SYNE2: variants seen among roughly 807,000 people sequenced by gnomAD.
SYNE2 encodes the protein nesprin-2.
Under a neutral mutation model 856.3 loss-of-function variants are expected in SYNE2, and 431 were observed. The observed-to-expected ratio is 0.50, with a 90% CI of 0.47 to 0.55. The LOEUF is 0.55. SYNE2 is among the 20% of genes least tolerant of loss of function. The pLI, the probability that SYNE2 is intolerant of heterozygous loss-of-function variation, is 0.00. For synonymous variants in SYNE2, 2,923 were observed against 2,872.3 expected (o/e 1.02, Z -0.56); for missense variants, 8,129 against 8,023.2 (o/e 1.01, Z -0.50).
intron 66 of SYNE2, among the ~76,000 whole-genome samples, chr14:64,117,947 ATTAT>A (rs1024278574): frequency 7.9e-5 from 12 of 152,152 alleles, no homozygotes; most frequent in Non-Finnish European, 1.0e-4. Flanking sequence ...AAATGTATGA[ATTAT>A]TTATTTCTGG....
intron 23 of SYNE2, 80 bp from the exon 24 acceptor site, chr14:63,996,867 C>T (rs1463157021): frequency 1.5e-6 from 2 of 1,313,104 alleles, no homozygotes; most frequent in African/African-American, 2.9e-5. Flanking sequence ...AAACTACACA[C>T]ATCTGTTAGT....
At chr14:63,858,014 C>T (rs998577712) in intron 1 of SYNE2, among the ~76,000 whole-genome samples, 1 of 151,890 alleles carries the variant, frequency 6.6e-6, no homozygotes, top group Non-Finnish European at 1.5e-5. Context: ...ATTGATGGGG[C>T]GACATCTGGT....
At chr14:63,857,131 C>T (rs996787582) in intron 1 of SYNE2, among the ~76,000 whole-genome samples, 2 of 152,080 alleles carry the variant, frequency 1.3e-5, no homozygotes, top group African/African-American at 4.8e-5. Flanking sequence ...CCCTGTAGCT[C>T]CTTGCTATAC....
At chr14:63,786,699 G>T (rs1184540593) in intron 1 of SYNE2, among the ~76,000 whole-genome samples, 1 of 152,130 alleles carries the variant, frequency 6.6e-6, no homozygotes, top group Non-Finnish European at 1.5e-5. Context: ...TATATGCTAT[G>T]ATTATCTTCT....
At chr14:64,211,915 T>C (rs1302797873) in intron 103 of SYNE2, 46 bp from the exon 104 acceptor site, 3 of 1,613,476 alleles carry the variant, frequency 1.9e-6, no homozygotes, top group Non-Finnish European at 2.5e-6. Context: ...GTCTGAACTC[T>C]TGTTCCGTGG....
chr14:64,025,162 A>T lies in SYNE2; in HGVS notation c.5993A>T (p.Asn1998Ile). Reference sequence around the variant, plus strand: ...TTTGAATCTGTGGCCCAATTGAACAACTCTTTGAAGGAATATGGGTTTACT... The same window carrying T: ...TTTGAATCTGTGGCCCAATTGAACATCTCTTTGAAGGAATATGGGTTTACT... Reference protein sequence around the residue: ...EQFESVAQLNNSLKEYGFTEE... With the variant: ...EQFESVAQLNISLKEYGFTEE... The change falls in exon 41 of 116, where the codon AAC becomes ATC. Residue 1998 changes from asparagine (N) to isoleucine (I), a missense_variant. By Grantham distance (149) the Asn-to-Ile change is moderately radical. Around this residue, in one of 3 missense-constraint regions of SYNE2, gnomAD observed 2,422 missense variants for 2,357.4 expected, o/e 1.03. Coordinates refer to ENST00000555002, the MANE Select transcript of SYNE2 (RefSeq NM_182914.3). 1 of 1,614,082 alleles carries T rather than the reference A, an allele frequency of 6.2e-7. No homozygotes were observed.
chr14:64,017,123 G>A (rs1037863529), intron 33 of SYNE2, among the ~76,000 whole-genome samples: 4 of 151,698 alleles, frequency 2.6e-5, no homozygotes, highest in Admixed American at 2.0e-4. Flanking sequence ...TGAGGTCAGG[G>A]GTTTGAGACC....
chr14:64,177,664 G>A (rs1193886201), intron 96 of SYNE2, among the ~76,000 whole-genome samples, 181 bp downstream of exon 96: 1 of 152,124 alleles, frequency 6.6e-6, no homozygotes, highest in Admixed American at 6.5e-5. Flanking sequence ...TGCTTTTTAC[G>A]ATTGTTGTTT....
intron 1 of SYNE2, among the ~76,000 whole-genome samples, chr14:63,825,364 C>CA (rs1004801203): frequency 2.0e-5 from 3 of 151,252 alleles, no homozygotes; most frequent in Middle Eastern, 3.4e-3. Flanking sequence ...ATTGTATCTA[C>CA]AAAAAAACAC....
In SYNE2 at chr14:64,051,777, G is replaced by C. The variant is rs541888083; in HGVS notation, c.7864G>C (p.Val2622Leu). ...GATTCAAAAGAAGTATTCTCAGCAGGTAGTGGAATATGATGAATTTACAAC... is the reference window on the plus strand; with the variant it reads ...GATTCAAAAGAAGTATTCTCAGCAGCTAGTGGAATATGATGAATTTACAAC... ...QQIQKKYSQQ[V>L]VEYDEFTTLM... is the part of the protein sequence containing the mutation. Residue 2622 changes from valine to leucine, a missense_variant, in exon 48 of 116, where the codon GTA becomes CTA. Coordinates refer to ENST00000555002, the MANE Select transcript of SYNE2 (RefSeq NM_182914.3). The C allele has an allele frequency of 1.9e-6, 3 of 1,614,194 alleles. No homozygotes were observed. In the African/African-American group the frequency reaches 4.0e-5, roughly 22 times the overall value.
chr14:64,099,558 C>T (rs1035584755), intron 63 of SYNE2: 1 of 152,658 alleles, frequency 6.6e-6, no homozygotes, highest in Non-Finnish European at 1.5e-5. Context: ...AACAACTTTG[C>T]AATCTGATTA....
Position 64,056,160 on chromosome 14 carries a change from T to G in SYNE2, c.9961T>G (p.Ser3321Ala). 1.2e-6 allele frequency: 2 copies of G among 1,614,136 alleles called. No homozygotes were observed. Among genetic ancestry groups the G allele is most frequent in the East Asian group, 2.2e-5 (1 of 44,880 alleles). The change falls in exon 49 of 116, where the codon TCC becomes GCC. Residue 3321 changes from serine to alanine, a missense_variant. Ser to Ala is a moderately conservative substitution (Grantham distance 99). Coordinates refer to ENST00000555002, the MANE Select transcript of SYNE2 (RefSeq NM_182914.3). ...QDLTEKLGMI[S>A]SPEAKLQLQY... Reference sequence around the variant, plus strand: ...CCTCACTGAGAAACTGGGAATGATATCCAGCCCCGAAGCCAAACTACAACT... The same window carrying G: ...CCTCACTGAGAAACTGGGAATGATAGCCAGCCCCGAAGCCAAACTACAACT...
intron 100 of SYNE2, among the ~76,000 whole-genome samples, chr14:64,206,632 T>C (rs1413218670): frequency 3.3e-5 from 5 of 152,090 alleles, no homozygotes; most frequent in Admixed American, 2.6e-4. Context: ...CTTACGGCCA[T>C]TTACCCTAAA....
intron 11 of SYNE2, among the ~76,000 whole-genome samples, chr14:63,968,526 T>G (rs1242024813): frequency 1.3e-5 from 2 of 152,156 alleles, no homozygotes; most frequent in African/African-American, 4.8e-5. Flanking sequence ...TAAGGATGAA[T>G]TTGTGCATGT....
At chr14:64,129,631 T>G in intron 74 of SYNE2, 151 bp from the exon 75 acceptor site, 2 of 1,096,676 alleles carry the variant, frequency 1.8e-6, no homozygotes, top group African/African-American at 1.6e-5. Context: ...CTGGCAAGAT[T>G]GTTAAGGAGA....
At chr14:63,992,782 C>T (rs2096678569) in intron 21 of SYNE2, among the ~76,000 whole-genome samples, 1 of 152,182 alleles carries the variant, frequency 6.6e-6, no homozygotes, top group East Asian at 1.9e-4. Context: ...GAATAGCATA[C>T]AGGGTAAAAG....
Position 64,107,718 on chromosome 14 carries a change from G to A in SYNE2, c.12609+111G>A. 3.3e-6 allele frequency: 3 copies of A among 895,972 alleles called. No individual in the cohort carries two copies. The Admixed American group carries it at 5.1e-5, about 15-fold the overall frequency. 55.5% of individuals were successfully genotyped at this position (895,972 alleles called of 1,614,324 possible). A position where few individuals can be genotyped will look rare whatever the true frequency, so the allele number is the denominator to read the frequency against. ...TTGTACGTCAAGCTAAGTGTTCCTT[G>A]TGAACTTTAACATATGAAGATATGT... On this transcript the variant is annotated intron_variant, in intron 65 of 115. Coordinates refer to ENST00000555002, the MANE Select transcript of SYNE2 (RefSeq NM_182914.3).
chr14:64,071,622 A>G (rs902498717), intron 52 of SYNE2, among the ~76,000 whole-genome samples: 2 of 152,252 alleles, frequency 1.3e-5, no homozygotes, highest in South Asian at 4.1e-4. Flanking sequence ...TTGTTTTTAA[A>G]TAAATAGAGA....
In SYNE2 at chr14:64,188,550, G is replaced by T; in HGVS notation, c.17713G>T (p.Val5905Leu). The change falls in exon 98 of 116, where the codon GTG becomes TTG. Residue 5905 changes from valine to leucine, a missense_variant and splice_region_variant. Physicochemically the swap from Val to Leu is conservative, Grantham distance 32. Coordinates refer to ENST00000555002, the MANE Select transcript of SYNE2 (RefSeq NM_182914.3). ...HRQWEDLCLR[V>L]AIRKQEIEDR... ...CTGCCAAATGTATTTTCATTTGCAG[G>T]TGGCCATACGTAAACAGGAGATTGA... The T allele has an allele frequency of 6.2e-7, 1 of 1,614,148 alleles. No homozygotes were observed. Among genetic ancestry groups the T allele is most frequent in the East Asian group, 2.2e-5 (1 of 44,884 alleles).
Sources: gnomAD v4.1 joint callset for allele counts (sites outside exome capture counted in the v4.1 genomes callset) on GRCh38, gnomAD v4.1.1 for gene constraint, gnomAD v4.1.1 regional missense constraint, MANE v1.5 for transcripts, NCBI Gene and HGNC (gene_info 2026-07-23, HGNC 2026-07-21) for gene names.